Variants in PRDM14 observed in about 807,000 individuals in gnomAD.
The protein encoded by PRDM14 is PR/SET domain 14, also known as PR domain zinc finger protein 14.
Under a neutral mutation model 48.0 loss-of-function variants are expected in PRDM14, and 16 were observed. The observed-to-expected ratio is 0.33, with a 90% CI of 0.23 to 0.51. PRDM14 has a LOEUF of 0.51. PRDM14 is among the 20% of genes least tolerant of loss of function. PRDM14 has a pLI of 0.97. For synonymous variants in PRDM14, 264 were observed against 276.6 expected, an observed-to-expected ratio of 0.95 and a Z score of 0.45; for missense variants, 566 against 719.6, an observed-to-expected ratio of 0.79 and a Z score of 2.44.
intron 7 of PRDM14, among the ~76,000 whole-genome samples, chr8:70,054,712 T>G (rs1360811710): frequency 6.7e-6 from 1 of 149,788 alleles, no homozygotes; most frequent in Admixed American, 6.7e-5. Flanking sequence ...AGAGATGGGG[T>G]TTCACCATGC....
chr8:70,067,323 A>T (rs1346202024), intron 4 of PRDM14, among the ~76,000 whole-genome samples: 1 of 152,152 alleles, frequency 6.6e-6, no homozygotes, highest in Non-Finnish European at 1.5e-5. Flanking sequence ...GTTCGAGACC[A>T]GCCTGGCCAA....
intron 5 of PRDM14, among the ~76,000 whole-genome samples, chr8:70,062,999 A>G (rs538573572): frequency 2.7e-5 from 4 of 150,108 alleles, no homozygotes; most frequent in Admixed American, 1.3e-4. Flanking sequence ...TTCACTCACA[A>G]GAGTGGTGCC....
rs774259447 is a variant in PRDM14 at position 70,069,596 on chromosome 8, G to C, written c.265C>G (p.Leu89Val). The change falls in exon 2 of 8, where the codon CTC becomes GTC. Residue 89 changes from leucine (L) to valine (V), a missense_variant. This residue lies in a region of PRDM14 where 410 missense variants were observed against 424.6 expected (regional missense o/e 0.97). Transcript: ENST00000276594. ...SPGLGLQREP[L>V]YDLPWYSKLP... ...TTGCTGTACCAGGGCAGATCGTAGA[G>C]AGGCTCCCTCTGTAGGCCCAGACCC... 3.1e-6 allele frequency: 5 copies of C among 1,594,176 alleles called. No individual in the cohort carries two copies. The highest frequency in any genetic ancestry group is 4.3e-6 in the Non-Finnish European group (5 of 1,170,810).
At chr8:70,067,026 G>A (rs1293963941) in intron 4 of PRDM14, among the ~76,000 whole-genome samples, 1 of 152,122 alleles carries the variant, frequency 6.6e-6, no homozygotes, top group Non-Finnish European at 1.5e-5. Flanking sequence ...CACTGAGCCT[G>A]CCTAATGTGA....
chr8:70,060,237 C>CA (rs928811206), intron 5 of PRDM14, among the ~76,000 whole-genome samples: 1 of 151,710 alleles, frequency 6.6e-6, no homozygotes, highest in Non-Finnish European at 1.5e-5. Flanking sequence ...CCCATCTCTA[C>CA]AAAAAAATAA....
chr8:70,056,158 G>A (rs746334997), intron 6 of PRDM14, among the ~76,000 whole-genome samples: 16 of 152,210 alleles, frequency 1.1e-4, no homozygotes, highest in Non-Finnish European at 1.5e-4. Flanking sequence ...TATCTGAGAC[G>A]TGTTGAACTT....
chr8:70,058,500 T>C (rs1259060155), intron 6 of PRDM14, 140 bp downstream of exon 6: 4 of 692,386 alleles, frequency 5.8e-6, no homozygotes, highest in Non-Finnish European at 1.0e-5. Context: ...TCCGTAATAC[T>C]ATCCTCTCCT....
At position 70,063,517 on chromosome 8, in the gene PRDM14, TTTTC is replaced by T. The variant is rs149764767; in HGVS notation, c.1183+2714_1183+2717del. 8.7e-3 allele frequency among the ~76,000 whole-genome samples: 1,326 copies of T among 152,180 alleles called. 49 individuals are homozygous for T. The East Asian group carries it at 0.13, about 15-fold the overall frequency. On this transcript the variant is annotated intron_variant, in intron 5 of 7. Transcript: ENST00000276594. ...TACTTTTCTCAAATCCATTGTTCAC[TTTTC>T]TTTCTTTCATTTTTCTTTTTGAGAT...
intron 5 of PRDM14, among the ~76,000 whole-genome samples, chr8:70,061,408 A>T (rs1805578759): frequency 6.6e-6 from 1 of 152,164 alleles, no homozygotes; most frequent in Non-Finnish European, 1.5e-5. Flanking sequence ...TTAGTTGACA[A>T]CTACATCCCA....
intron 5 of PRDM14, among the ~76,000 whole-genome samples, chr8:70,061,366 G>A (rs1253573075): frequency 6.6e-6 from 1 of 152,166 alleles, no homozygotes; most frequent in African/African-American, 2.4e-5. Flanking sequence ...TCAGCATCAG[G>A]ACAGCAGGGA....
chr8:70,053,743 G>A (rs1805426688), intron 7 of PRDM14, among the ~76,000 whole-genome samples: 1 of 152,124 alleles, frequency 6.6e-6, no homozygotes, highest in African/African-American at 2.4e-5. Flanking sequence ...ACACTTTGGA[G>A]GTATTAGTTG....
At chr8:70,067,713 T>C (rs1258202961) in intron 4 of PRDM14, among the ~76,000 whole-genome samples, 6 of 152,134 alleles carry the variant, frequency 3.9e-5, no homozygotes, top group African/African-American at 1.4e-4. Flanking sequence ...CTTTGAACAT[T>C]TTAAGGTATC....
Position 70,055,317 on chromosome 8 carries a change from A to G in PRDM14, c.1471T>C (p.Cys491Arg). Residue 491 changes from cysteine (C) to arginine (R), a missense_variant, in exon 7 of 8, where the codon TGT becomes CGT. This residue lies in a region of PRDM14 where 126 missense variants were observed against 271.6 expected (regional missense o/e 0.46). Coordinates refer to ENST00000276594, the MANE Select transcript of PRDM14 (RefSeq NM_024504.4). ...CCATTTACCTTAGTACAATACACACACTGGTATGGTCTGTCTCCAGAGTGG... is the reference window on the plus strand; with the variant it reads ...CCATTTACCTTAGTACAATACACACGCTGGTATGGTCTGTCTCCAGAGTGG... Reference protein sequence around the residue: ...RVHSGDRPYQCVYCTKRFTAS... With the variant: ...RVHSGDRPYQRVYCTKRFTAS... The G allele has an allele frequency of 6.3e-7, 1 of 1,598,406 alleles. No individual in the cohort carries two copies. The highest frequency in any genetic ancestry group is 8.6e-7 in the Non-Finnish European group (1 of 1,165,944).
chr8:70,058,690 G>A lies in PRDM14; in HGVS notation c.1336C>T (p.Arg446Trp). Reference protein sequence around the residue: ...LCKRSFEKRDRLRIHILHVHE... With the variant: ...LCKRSFEKRDWLRIHILHVHE... ...ACATGAAGAATGTGGATCCGAAGCC[G>A]GTCCCGCTTCTCAAAGGATCGTTTG... The change falls in exon 6 of 8, where the codon CGG (arginine) becomes TGG (tryptophan). Residue 446 changes from arginine (R) to tryptophan (W), a missense_variant. By Grantham distance (101) the Arg-to-Trp change is moderately radical. Transcript: ENST00000276594. The A allele has an allele frequency of 6.2e-7, 1 of 1,614,100 alleles. No individual in the cohort carries two copies.
chr8:70,055,413 AAG>A lies in PRDM14; in HGVS notation c.1387-14_1387-13del. ...CCACATGTAGAACACTAAGGTGAAA[AAG>A]AAAAATATAGTTGAAATCACACCTT... On this transcript the variant is annotated splice_polypyrimidine_tract_variant and intron_variant, in intron 6 of 7. Coordinates refer to ENST00000276594, the MANE Select transcript of PRDM14 (RefSeq NM_024504.4). 1 of 1,457,082 alleles carries A rather than the reference AAG, an allele frequency of 6.9e-7. No homozygotes were observed. The highest frequency in any genetic ancestry group is 9.6e-7 in the Non-Finnish European group (1 of 1,038,110). The allele number at this position is 1,457,082 out of a possible 1,614,324, so 90.3% of individuals were successfully genotyped here.
intron 7 of PRDM14, among the ~76,000 whole-genome samples, chr8:70,055,076 T>C (rs1805451050): frequency 6.6e-6 from 1 of 152,242 alleles, no homozygotes; most frequent in Non-Finnish European, 1.5e-5. Context: ...ATTTGGAATG[T>C]ATTTTATTAC....
chr8:70,055,790 C>T (rs995447215), intron 6 of PRDM14, among the ~76,000 whole-genome samples: 3 of 152,150 alleles, frequency 2.0e-5, no homozygotes, highest in African/African-American at 4.8e-5. Flanking sequence ...CCTTGAGCCA[C>T]GGCACCCGAC....
At chr8:70,065,021 G>A (rs1435062818) in intron 5 of PRDM14, among the ~76,000 whole-genome samples, 1 of 151,804 alleles carries the variant, frequency 6.6e-6, no homozygotes, top group Non-Finnish European at 1.5e-5. Flanking sequence ...TGAGTAGCTG[G>A]AACTACAGGT....
chr8:70,054,821 C>A (rs1284432666), intron 7 of PRDM14, among the ~76,000 whole-genome samples: 1 of 150,440 alleles, frequency 6.6e-6, no homozygotes, highest in Non-Finnish European at 1.5e-5. Flanking sequence ...GCCTCCCCAC[C>A]CCCTCCTTTT....
Sources: gnomAD v4.1 joint callset for allele counts (sites outside exome capture counted in the v4.1 genomes callset) on GRCh38, gnomAD v4.1.1 for gene constraint, gnomAD v4.1.1 regional missense constraint, MANE v1.5 for transcripts, NCBI Gene and HGNC (gene_info 2026-07-23, HGNC 2026-07-21) for gene names.